Variants in MSI2 observed in about 807,000 individuals in gnomAD.
MSI2 encodes the protein musashi RNA binding protein 2, also known as RNA-binding protein Musashi homolog 2.
Under a neutral mutation model 45.6 loss-of-function variants are expected in MSI2, and 17 were observed. That is an observed-to-expected ratio of 0.37 (90% confidence interval 0.26 to 0.56). The LOEUF is 0.56. Among genes scored for constraint, MSI2 ranks in the 20% least tolerant of loss-of-function variants. The pLI is 0.77. For missense variants in MSI2, 293 were observed against 444.2 expected (o/e 0.66, Z 3.06); for synonymous variants, 156 against 158.2 (o/e 0.99, Z 0.11).
intron 6 of MSI2, among the ~76,000 whole-genome samples, chr17:57,512,637 TGTCC>T (rs1181537936): frequency 6.6e-6 from 1 of 152,228 alleles, no homozygotes; most frequent in Non-Finnish European, 1.5e-5. Context: ...CAAGCCTGTC[TGTCC>T]CTCTCTGTTG....
intron 6 of MSI2, among the ~76,000 whole-genome samples, chr17:57,509,914 A>G (rs1243689102): frequency 2.0e-5 from 3 of 151,960 alleles, no homozygotes; most frequent in African/African-American, 7.3e-5. Context: ...CAGTTTCTCC[A>G]TTCCTTCTGT....
intron 11 of MSI2, among the ~76,000 whole-genome samples, chr17:57,670,116 A>G (rs1241498139): frequency 1.3e-5 from 2 of 152,216 alleles, no homozygotes; most frequent in African/African-American, 4.8e-5. Flanking sequence ...TGAATCGGTA[A>G]TAATTCAATT....
intron 5 of MSI2, among the ~76,000 whole-genome samples, chr17:57,316,612 C>T (rs1294411812): frequency 6.6e-6 from 1 of 152,190 alleles, no homozygotes; most frequent in African/African-American, 2.4e-5. Flanking sequence ...AGGCGTGAGC[C>T]GCTGCTCCCA....
chr17:57,673,938 C>G (rs1345579503), intron 11 of MSI2, among the ~76,000 whole-genome samples: 1 of 151,728 alleles, frequency 6.6e-6, no homozygotes, highest in Non-Finnish European at 1.5e-5. Context: ...TGCATTCATA[C>G]TTCTTTGTCT....
intron 7 of MSI2, among the ~76,000 whole-genome samples, chr17:57,577,845 C>G (rs1456683680): frequency 6.6e-6 from 1 of 152,172 alleles, no homozygotes. Flanking sequence ...GGACTCCAGC[C>G]CTTCTTTGGT....
At chr17:57,481,483 A>G (rs1219351098) in intron 6 of MSI2, among the ~76,000 whole-genome samples, 2 of 152,212 alleles carry the variant, frequency 1.3e-5, no homozygotes, top group Admixed American at 6.5e-5. Flanking sequence ...CACTGAAACT[A>G]TACTTTGCTT....
intron 6 of MSI2, chr17:57,522,229 A>G (rs901529357): frequency 6.6e-6 from 1 of 152,288 alleles, no homozygotes; most frequent in East Asian, 1.9e-4. Context: ...AGCCTGACAC[A>G]CTATAGTATC....
At chr17:57,617,349 G>C (rs1282002587) in intron 9 of MSI2, among the ~76,000 whole-genome samples, 1 of 152,060 alleles carries the variant, frequency 6.6e-6, no homozygotes, top group South Asian at 2.1e-4. Flanking sequence ...GAATAAATGA[G>C]AAAATGTTTT....
At chr17:57,548,555 C>T (rs1007077011) in intron 7 of MSI2, among the ~76,000 whole-genome samples, 6 of 152,176 alleles carry the variant, frequency 3.9e-5, no homozygotes, top group East Asian at 3.9e-4. Flanking sequence ...GGGAGCCTTC[C>T]GTCTTATTAA....
intron 9 of MSI2, among the ~76,000 whole-genome samples, chr17:57,624,477 A>T (rs933938909): frequency 2.6e-5 from 4 of 152,212 alleles, no homozygotes; most frequent in Admixed American, 1.3e-4. Flanking sequence ...CATTTAAGGC[A>T]TCTGAGCCCT....
At position 57,407,819 on chromosome 17, in the gene MSI2, G is replaced by GT; in HGVS notation, c.405+6349dup. ...AATAGCCCAGAACAAAGCCAACACT[G>GT]TCCCCATGTTTTATTAATCTTCTGC... On this transcript the variant is annotated intron_variant, in intron 6 of 13. Coordinates refer to ENST00000284073, the MANE Select transcript of MSI2 (RefSeq NM_138962.4). This position sits in a 1 kb window ranked among gnomAD's most constrained non-coding sequence, Gnocchi z 4.1. 6.6e-6 allele frequency among the ~76,000 whole-genome samples: 1 copy of GT among 152,278 alleles called. No homozygotes were observed. The highest frequency in any genetic ancestry group is 6.5e-5 in the Admixed American group (1 of 15,300).
At chr17:57,482,524 G>A (rs558522081) in intron 6 of MSI2, among the ~76,000 whole-genome samples, 15 of 152,296 alleles carry the variant, frequency 9.8e-5, no homozygotes, top group Admixed American at 2.0e-4. Context: ...TGTACATGGC[G>A]TGGAAGGGAG....
intron 11 of MSI2, among the ~76,000 whole-genome samples, chr17:57,662,713 C>T (rs1273667540): frequency 6.6e-6 from 1 of 152,224 alleles, no homozygotes; most frequent in Non-Finnish European, 1.5e-5. Context: ...CTAAATTCTC[C>T]ATTATCCTTG....
intron 12 of MSI2, among the ~76,000 whole-genome samples, chr17:57,676,303 C>T (rs1336133811): frequency 6.6e-6 from 1 of 152,242 alleles, no homozygotes; most frequent in Non-Finnish European, 1.5e-5. Context: ...GGCGCACACA[C>T]GCCTGCCAGC....
intron 6 of MSI2, among the ~76,000 whole-genome samples, chr17:57,433,333 G>A (rs1482028445): frequency 6.6e-6 from 1 of 152,198 alleles, no homozygotes; most frequent in Non-Finnish European, 1.5e-5. Context: ...TGCTAATGCA[G>A]TGACTGGTAT....
chr17:57,366,370 C>A (rs12937917), intron 5 of MSI2, among the ~76,000 whole-genome samples: 4 of 152,194 alleles, frequency 2.6e-5, no homozygotes, highest in Non-Finnish European at 5.9e-5. Context: ...CTTCCCTCCC[C>A]TGAAGGGATC....
chr17:57,693,581 C>G, the MSI2 span, among the ~76,000 whole-genome samples: 1 of 152,350 alleles, frequency 6.6e-6, no homozygotes, highest in Non-Finnish European at 1.5e-5. Context: ...TTCCCTCTCT[C>G]TACTAAAACT....
Position 57,325,632 on chromosome 17 carries a change from C to A in MSI2, c.312+63440C>A, listed in dbSNP as rs565755747. Among the ~76,000 whole-genome samples the A allele has an allele frequency of 2.0e-5, 3 of 152,296 alleles. No individual in the cohort carries two copies. The East Asian group carries it at 5.8e-4, about 29-fold the overall frequency. On this transcript the variant is annotated intron_variant, in intron 5 of 13. Transcript: ENST00000284073. ...CAGCGGCTATTCCTCTTTTTTACCC[C>A]CTTTGCTGACCGAGTTGGTGTTGTC...
At chr17:57,345,820 A>G (rs1377321662) in intron 5 of MSI2, among the ~76,000 whole-genome samples, 1 of 148,898 alleles carries the variant, frequency 6.7e-6, no homozygotes, top group African/African-American at 2.4e-5. Context: ...CTCCGTCTCA[A>G]AAAAAAAAAA....
Sources: allele counts gnomAD v4.1 joint callset (sites outside exome capture counted in the v4.1 genomes callset), GRCh38; gene constraint gnomAD v4.1.1; non-coding constraint Gnocchi (gnomAD v3.1); transcripts MANE v1.5; gene names NCBI Gene and HGNC (gene_info 2026-07-23, HGNC 2026-07-21).